CPNE4: variants seen among roughly 807,000 people sequenced by gnomAD.
The protein encoded by CPNE4 is copine 4, also known as copine-4.
Under a neutral mutation model 67.9 loss-of-function variants are expected in CPNE4, and 25 were observed. That is an observed-to-expected ratio of 0.37 (90% CI 0.27 to 0.51). The LOEUF (loss-of-function observed/expected upper bound fraction) is 0.51. Ranked by LOEUF, CPNE4 falls within the 20% of genes least tolerant of loss-of-function variation. CPNE4 has a pLI of 0.93. For synonymous variants in CPNE4, 242 were observed against 244.9 expected, an observed-to-expected ratio of 0.99 and a Z score of 0.11; for missense variants, 464 against 690.8, an observed-to-expected ratio of 0.67 and a Z score of 3.68.
chr3:131,940,117 G>A (rs998622231), intron 1 of CPNE4, among the ~76,000 whole-genome samples: 13 of 152,024 alleles, frequency 8.6e-5, no homozygotes, highest in Non-Finnish European at 1.9e-4. Flanking sequence ...ATGTTCAACT[G>A]GCAAGTGTAA....
At chr3:131,550,484 C>T (rs1936111682) in intron 13 of CPNE4, among the ~76,000 whole-genome samples, 1 of 152,098 alleles carries the variant, frequency 6.6e-6, no homozygotes, top group African/African-American at 2.4e-5. Context: ...TTGGGTCTGC[C>T]TGGCTCTAAG....
chr3:131,753,801 G>T (rs2082687014), intron 2 of CPNE4, among the ~76,000 whole-genome samples: 1 of 152,022 alleles, frequency 6.6e-6, no homozygotes, highest in Non-Finnish European at 1.5e-5. Context: ...TAGCACCAAA[G>T]ATTACTCATA....
At chr3:131,746,992 T>C (rs2082505856) in intron 2 of CPNE4, among the ~76,000 whole-genome samples, 1 of 152,184 alleles carries the variant, frequency 6.6e-6, no homozygotes, top group Non-Finnish European at 1.5e-5. Context: ...TAACTTATTT[T>C]AGTTTTGATT....
chr3:131,610,623 T>G lies in CPNE4; in HGVS notation c.682-23041A>C, dbSNP rs527297527. 3.3e-5 allele frequency among the ~76,000 whole-genome samples: 5 copies of G among 152,294 alleles called. No individual in the cohort carries two copies. In the South Asian group the frequency reaches 1.0e-3, roughly 32 times the overall value. Reference sequence around the variant, plus strand: ...TATCCCTGGCAGGATTGGGCCAAAATTCTCCTGAGATTTTGCTTTATATCC... The same window carrying G: ...TATCCCTGGCAGGATTGGGCCAAAAGTCTCCTGAGATTTTGCTTTATATCC... On this transcript the variant is annotated intron_variant, in intron 7 of 15. Transcript: ENST00000429747.
chr3:131,737,115 C>CTTTTTTTTTTTTTTTTTTTTTTTTTTT lies in CPNE4; in HGVS notation c.181-13491_181-13490insAAAAAAAAAAAAAAAAAAAAAAAAAAA, dbSNP rs71788145. Among the ~76,000 whole-genome samples the CTTTTTTTTTTTTTTTTTTTTTTTTTTT allele has an allele frequency of 1.8e-4, 9 of 49,398 alleles. 1 individual carries two copies. The highest frequency in any genetic ancestry group is 1.7e-3 in the East Asian group (2 of 1,156). 32.4% of individuals were successfully genotyped at this position (49,398 alleles called of 152,430 possible). A position where few individuals can be genotyped will look rare whatever the true frequency, so the allele number is the denominator to read the frequency against. On this transcript the variant is annotated intron_variant, in intron 2 of 15. Coordinates refer to ENST00000429747, the MANE Select transcript of CPNE4 (RefSeq NM_130808.3). The stretch of plus-strand genomic sequence containing the variant: ...TGCCTCTTTTTATGAAGTATTGTGT[C>CTTTTTTTTTTTTTTTTTTTTTTTTTTT]TTTTTTTTTTTTTTTTTTTTTTTTT...
intron 2 of CPNE4, among the ~76,000 whole-genome samples, chr3:131,881,363 GCTGT>G (rs1279080390): frequency 1.3e-5 from 2 of 152,138 alleles, no homozygotes; most frequent in Non-Finnish European, 2.9e-5. Flanking sequence ...CCAGAATAAA[GCTGT>G]CCTTTGTTAA....
intron 1 of CPNE4, among the ~76,000 whole-genome samples, chr3:132,014,002 A>G (rs1002455734): frequency 5.3e-5 from 8 of 152,144 alleles, no homozygotes; most frequent in African/African-American, 1.9e-4. Context: ...GAAAAAAACA[A>G]ACAAAGTCTG....
At chr3:131,629,727 G>A (rs920701674) in intron 7 of CPNE4, among the ~76,000 whole-genome samples, 1 of 152,186 alleles carries the variant, frequency 6.6e-6, no homozygotes, top group Non-Finnish European at 1.5e-5. Context: ...TTACAGGTGG[G>A]AGCCACTGTG....
In CPNE4 at chr3:131,699,970, T is replaced by A. The variant is rs1210118402; in HGVS notation, c.371A>T (p.Gln124Leu). 2 of 1,607,256 alleles carry A rather than the reference T, an allele frequency of 1.2e-6. No homozygotes were observed. Among genetic ancestry groups the A allele is most frequent in the Non-Finnish European group, 1.7e-6 (2 of 1,176,404 alleles). The stretch of plus-strand genomic sequence containing the variant: ...CAGCAAGGATTTGGACAGCTTTCTC[T>A]GGGAAACAATCTGCAAAAAAGGAAA... ...MECTLGQIVS[Q>L]RKLSKSLLKH... Residue 124 changes from glutamine to leucine, a missense_variant, in exon 4 of 16, where the codon CAG becomes CTG. Physicochemically the swap from Gln to Leu is moderately radical, Grantham distance 113 (BLOSUM62 -2). Coordinates refer to ENST00000429747, the MANE Select transcript of CPNE4 (RefSeq NM_130808.3).
chr3:131,675,021 T>C (rs1245795503), intron 6 of CPNE4, among the ~76,000 whole-genome samples: 4 of 152,206 alleles, frequency 2.6e-5, no homozygotes, highest in Middle Eastern at 3.4e-3. Context: ...TCATATTCAT[T>C]TGTTTTAAGA....
chr3:131,639,769 G>C (rs374761235), intron 7 of CPNE4, among the ~76,000 whole-genome samples: 5 of 152,036 alleles, frequency 3.3e-5, no homozygotes, highest in African/African-American at 4.8e-5. Flanking sequence ...CAAAATACTA[G>C]TGAACCAAAT....
At position 132,018,997 on chromosome 3, in the gene CPNE4, A is replaced by T. The variant is rs1266301671; in HGVS notation, c.-2+15570T>A. Among the ~76,000 whole-genome samples the T allele has an allele frequency of 5.3e-5, 8 of 152,338 alleles. No individual in the cohort carries two copies. The East Asian group carries it at 1.5e-3, about 29-fold the overall frequency. On this transcript the variant is annotated intron_variant, in intron 1 of 15. Transcript: ENST00000429747. ...AATAATGGGAAACTCTGCTTTATCA[A>T]GAACTTTTTAAAAAGCTGTTTGCAG...
Position 131,791,290 on chromosome 3 carries a change from C to CT in CPNE4, c.181-67666dup, listed in dbSNP as rs376534084. Among the ~76,000 whole-genome samples, 291 of 151,944 alleles carry CT rather than the reference C, an allele frequency of 1.9e-3. 1 individual carries two copies. The highest frequency in any genetic ancestry group is 6.5e-3 in the African/African-American group (269 of 41,436). On this transcript the variant is annotated intron_variant, in intron 2 of 15. Transcript: ENST00000429747. ...GAAGTTTTGTAATAGCCTTGTCACTCTTTTTTTTGCACTTTTTCCAAGTTG... is the reference window on the plus strand; with the variant it reads ...GAAGTTTTGTAATAGCCTTGTCACTCTTTTTTTTTGCACTTTTTCCAAGTTG...
intron 1 of CPNE4, among the ~76,000 whole-genome samples, chr3:131,996,410 T>A (rs73208141): frequency 0.26 from 39,344 of 150,770 alleles, 6,215 homozygotes; most frequent in Admixed American, 0.4. Flanking sequence ...GGGAAAAGAG[T>A]CATTGCCCAC....
chr3:131,765,859 G>A (rs551650262), intron 2 of CPNE4, among the ~76,000 whole-genome samples: 29 of 152,056 alleles, frequency 1.9e-4, no homozygotes, highest in African/African-American at 6.5e-4. Flanking sequence ...ATGAGGAAGG[G>A]GAAGCTTCAA....
intron 2 of CPNE4, among the ~76,000 whole-genome samples, chr3:131,870,722 T>C (rs1315850270): frequency 1.3e-5 from 2 of 152,166 alleles, no homozygotes; most frequent in East Asian, 3.9e-4. Flanking sequence ...TTCTTTTAGA[T>C]GTTCTGAGAA....
At position 131,861,402 on chromosome 3, in the gene CPNE4, T is replaced by TTGTGTG. The variant is rs5852659; in HGVS notation, c.180+43856_180+43861dup. Among the ~76,000 whole-genome samples the TTGTGTG allele has an allele frequency of 2.4e-3, 344 of 144,532 alleles. 1 individual carries two copies. Among genetic ancestry groups the TTGTGTG allele is most frequent in the African/African-American group, 7.8e-3 (295 of 37,838 alleles). 94.8% of individuals were successfully genotyped at this position (144,532 alleles called of 152,430 possible). On this transcript the variant is annotated intron_variant, in intron 2 of 15. Coordinates refer to ENST00000429747, the MANE Select transcript of CPNE4 (RefSeq NM_130808.3). ...ACTCTGAGTTTAGAATATCTCATCTTTGTGTGTGTGTGTGTGTGTGTGTGT... is the reference window on the plus strand; with the variant it reads ...ACTCTGAGTTTAGAATATCTCATCTTTGTGTGTGTGTGTGTGTGTGTGTGTGTGTGT...
chr3:131,599,805 A>T (rs1344841540), intron 7 of CPNE4, among the ~76,000 whole-genome samples: 1 of 152,186 alleles, frequency 6.6e-6, no homozygotes, highest in Non-Finnish European at 1.5e-5. Context: ...GGCACAGCTA[A>T]GTAAAGTCTG....
intron 1 of CPNE4, among the ~76,000 whole-genome samples, chr3:132,025,840 T>C (rs916406212): frequency 1.3e-5 from 2 of 152,204 alleles, no homozygotes; most frequent in Non-Finnish European, 2.9e-5. Context: ...CATTCACCAA[T>C]ACACAATCTT....
Sources: gnomAD v4.1 joint callset for allele counts (sites outside exome capture counted in the v4.1 genomes callset) on GRCh38, gnomAD v4.1.1 for gene constraint, MANE v1.5 for transcripts, NCBI Gene and HGNC (gene_info 2026-07-23, HGNC 2026-07-21) for gene names.